EIF4G3: variants seen among roughly 807,000 people sequenced by gnomAD.
EIF4G3 encodes the protein eukaryotic translation initiation factor 4 gamma 3, also known as eIF-4-gamma 3.
Under a neutral mutation model 186.4 loss-of-function variants are expected in EIF4G3, and 34 were observed. The ratio of observed to expected loss-of-function variants is 0.18; its 90% CI spans 0.14 to 0.24. The LOEUF (loss-of-function observed/expected upper bound fraction) is 0.24. Among genes scored for constraint, EIF4G3 ranks in the 10% least tolerant of loss-of-function variants. The pLI is 1.00. For missense variants in EIF4G3, 1,536 were observed against 1,948.5 expected, an observed-to-expected ratio of 0.79 and a Z score of 3.99; for synonymous variants, 673 against 679.5, an observed-to-expected ratio of 0.99 and a Z score of 0.15.
At chr1:20,883,397 T>A (rs1429874947) in intron 19 of EIF4G3, among the ~76,000 whole-genome samples, 1 of 151,944 alleles carries the variant, frequency 6.6e-6, no homozygotes, top group Non-Finnish European at 1.5e-5. Flanking sequence ...GGTGGGCAGA[T>A]CACGAGTTCA....
At chr1:20,859,905 C>G (rs2075955373) in intron 24 of EIF4G3, among the ~76,000 whole-genome samples, 1 of 152,164 alleles carries the variant, frequency 6.6e-6, no homozygotes, top group Admixed American at 6.5e-5. Context: ...CTACAAAGTG[C>G]CCCTTTCTTA....
intron 6 of EIF4G3, among the ~76,000 whole-genome samples, chr1:21,000,411 T>C (rs759978667): frequency 1.3e-5 from 2 of 151,968 alleles, no homozygotes; most frequent in Admixed American, 6.6e-5. Context: ...AGAAATAGAA[T>C]GGAGTAAGCT....
At position 20,942,184 on chromosome 1, in the gene EIF4G3, G is replaced by A. The variant is rs1310438867; in HGVS notation, c.970C>T (p.Pro324Ser). 1 of 1,614,054 alleles carries A rather than the reference G, an allele frequency of 6.2e-7. No homozygotes were observed. The highest frequency in any genetic ancestry group is 1.3e-5 in the African/African-American group (1 of 74,924). The change falls in exon 14 of 37, where the codon CCT (proline) becomes TCT (serine). Residue 324 changes from proline to serine, a missense_variant. Pro to Ser is a moderately conservative substitution (Grantham distance 74, BLOSUM62 -1). Around this residue, in one of 11 missense-constraint regions of EIF4G3, gnomAD observed 560 missense variants for 547.8 expected, o/e 1.02. Transcript: ENST00000602326. ...SIAELPLPPS[P>S]TTVSSVARST... is the part of the protein sequence containing the mutation. The stretch of plus-strand genomic sequence containing the variant: ...CGAGCAACAGAAGAAACAGTGGTAG[G>A]TGATGGAGGCAGAGGAAGCTCTGCT...
At chr1:21,083,281 G>C (rs973204593) in intron 3 of EIF4G3, among the ~76,000 whole-genome samples, 4 of 151,922 alleles carry the variant, frequency 2.6e-5, no homozygotes, top group African/African-American at 9.7e-5. Context: ...CACACTTTAA[G>C]GTAACTTTTA....
chr1:20,990,396 C>T (rs2080818428), intron 7 of EIF4G3, among the ~76,000 whole-genome samples: 2 of 152,062 alleles, frequency 1.3e-5, no homozygotes, highest in African/African-American at 2.4e-5. Context: ...AATTACCAGC[C>T]GGGTGCGGTG....
intron 2 of EIF4G3, among the ~76,000 whole-genome samples, chr1:21,141,720 G>C (rs2102663616): frequency 6.6e-6 from 1 of 152,170 alleles, no homozygotes; most frequent in East Asian, 1.9e-4. Flanking sequence ...TTTGAACCTA[G>C]GAGTTCAAGA....
intron 14 of EIF4G3, among the ~76,000 whole-genome samples, chr1:20,939,675 G>C (rs1435912990): frequency 6.6e-6 from 1 of 151,738 alleles, no homozygotes; most frequent in Non-Finnish European, 1.5e-5. Flanking sequence ...GTTTTTCTTT[G>C]CTTTTACATT....
At chr1:21,145,886 C>T (rs1047518510) in intron 2 of EIF4G3, among the ~76,000 whole-genome samples, 1 of 152,038 alleles carries the variant, frequency 6.6e-6, no homozygotes, top group Admixed American at 6.6e-5. Flanking sequence ...TTGAGACCAG[C>T]CTGGGCAACA....
chr1:21,018,642 T>C lies in EIF4G3; in HGVS notation c.-66-15834A>G, dbSNP rs898188334. 2.6e-5 allele frequency among the ~76,000 whole-genome samples: 4 copies of C among 152,164 alleles called. No homozygotes were observed. The East Asian group carries it at 7.7e-4, about 29-fold the overall frequency. The stretch of plus-strand genomic sequence containing the variant: ...TCATATTGAAATGTGACCCCCAATG[T>C]TGGAGCTGGAGTCTAATGGGAAGTG... On this transcript the variant is annotated intron_variant, in intron 4 of 36. Coordinates refer to ENST00000602326, the MANE Select transcript of EIF4G3 (RefSeq NM_001391906.1).
chr1:20,930,008 G>A (rs1471461685), intron 14 of EIF4G3, among the ~76,000 whole-genome samples: 1 of 152,178 alleles, frequency 6.6e-6, no homozygotes, highest in Non-Finnish European at 1.5e-5. Flanking sequence ...GTTTCCCAGT[G>A]CGTATAAAAG....
At chr1:20,835,766 C>T (rs1166881680) in intron 30 of EIF4G3, among the ~76,000 whole-genome samples, 1 of 151,848 alleles carries the variant, frequency 6.6e-6, no homozygotes, top group Non-Finnish European at 1.5e-5. Flanking sequence ...AGTGAGACAC[C>T]ATCTCTACAA....
intron 14 of EIF4G3, among the ~76,000 whole-genome samples, chr1:20,925,260 T>C (rs768342132): frequency 6.6e-6 from 1 of 152,216 alleles, no homozygotes; most frequent in Non-Finnish European, 1.5e-5. Context: ...TCATGATTTA[T>C]ACAATTTATG....
chr1:21,137,969 C>CAA (rs2097275646), intron 2 of EIF4G3, among the ~76,000 whole-genome samples: 1 of 152,178 alleles, frequency 6.6e-6, no homozygotes, highest in South Asian at 2.1e-4. Flanking sequence ...CTACCTTGGG[C>CAA]ACATTCATGG....
intron 3 of EIF4G3, among the ~76,000 whole-genome samples, chr1:21,081,636 A>ATTT (rs566655576): frequency 8.1e-5 from 10 of 122,768 alleles, no homozygotes; most frequent in African/African-American, 1.2e-4. Flanking sequence ...GATGAGTCCA[A>ATTT]TTTTTTTTTT....
At chr1:21,053,656 G>T (rs2094410590) in intron 3 of EIF4G3, among the ~76,000 whole-genome samples, 1 of 141,046 alleles carries the variant, frequency 7.1e-6, no homozygotes. Flanking sequence ...CCTCTGCCCG[G>T]CCGCCCCTAC....
chr1:21,121,266 A>C (rs1171736407), intron 2 of EIF4G3, among the ~76,000 whole-genome samples: 1 of 152,206 alleles, frequency 6.6e-6, no homozygotes, highest in Non-Finnish European at 1.5e-5. Context: ...TATCACAATT[A>C]TTATTAAAGG....
intron 12 of EIF4G3, among the ~76,000 whole-genome samples, chr1:20,961,756 T>C (rs1005761239): frequency 6.6e-6 from 1 of 152,234 alleles, no homozygotes; most frequent in African/African-American, 2.4e-5. Flanking sequence ...CCAGTTTAGA[T>C]ACCTATTTAA....
At chr1:20,905,190 GC>G (rs1450747071) in intron 14 of EIF4G3, among the ~76,000 whole-genome samples, 2 of 152,182 alleles carry the variant, frequency 1.3e-5, no homozygotes, top group Non-Finnish European at 1.5e-5. Flanking sequence ...CCAGTGGCCT[GC>G]GTTCTTCCCA....
At chr1:21,010,876 T>C (rs1252865437) in intron 4 of EIF4G3, among the ~76,000 whole-genome samples, 3 of 152,206 alleles carry the variant, frequency 2.0e-5, no homozygotes, top group Admixed American at 6.5e-5. Context: ...GCATAGCACT[T>C]GTTTTCCTCA....
Sources: allele counts gnomAD v4.1 joint callset (sites outside exome capture counted in the v4.1 genomes callset), GRCh38; gene constraint gnomAD v4.1.1; regional missense constraint gnomAD v4.1.1; transcripts MANE v1.5; gene names NCBI Gene and HGNC (gene_info 2026-07-23, HGNC 2026-07-21).